SPIRE1: variants seen among roughly 807,000 people sequenced by gnomAD.
SPIRE1 encodes the protein spire type actin nucleation factor 1, also known as protein spire homolog 1.
A neutral mutation model predicts 94.1 loss-of-function variants in SPIRE1; 40 were observed. The observed-to-expected ratio is 0.43, with a 90% confidence interval of 0.33 to 0.55. The LOEUF is 0.55. SPIRE1 is among the 20% of genes least tolerant of loss of function. The pLI is 0.06. For missense variants in SPIRE1, 838 were observed against 975.2 expected, an observed-to-expected ratio of 0.86 and a Z score of 1.87; for synonymous variants, 376 against 371.7, an observed-to-expected ratio of 1.01 and a Z score of -0.13.
chr18:12,461,422 G>GTGTGTATGTATGTATATATACA (rs1555680886), intron 12 of SPIRE1, among the ~76,000 whole-genome samples: 1 of 127,704 alleles, frequency 7.8e-6, no homozygotes, highest in East Asian at 2.6e-4. Context: ...GTATGTGTGT[G>GTGTGTATGTATGTATATATACA]TGTGTGTATG....
At chr18:12,497,312 A>T (rs1051534129) in intron 6 of SPIRE1, among the ~76,000 whole-genome samples, 2 of 151,014 alleles carry the variant, frequency 1.3e-5, no homozygotes, top group African/African-American at 2.4e-5. Flanking sequence ...TTTTTTAGAA[A>T]TTTTTTTTTT....
chr18:12,534,445 G>C (rs2034780243), intron 4 of SPIRE1, among the ~76,000 whole-genome samples: 1 of 152,166 alleles, frequency 6.6e-6, no homozygotes, highest in South Asian at 2.1e-4. Flanking sequence ...AACTGGCAAA[G>C]CATTATTTTT....
At chr18:12,603,363 C>T (rs1225632050) in intron 2 of SPIRE1, among the ~76,000 whole-genome samples, 1 of 152,146 alleles carries the variant, frequency 6.6e-6, no homozygotes, top group African/African-American at 2.4e-5. Flanking sequence ...TCATCCCTAT[C>T]TCCTGGCATA....
intron 1 of SPIRE1, among the ~76,000 whole-genome samples, chr18:12,640,859 A>G (rs1018061382): frequency 2.6e-5 from 4 of 152,144 alleles, no homozygotes; most frequent in Admixed American, 2.6e-4. Flanking sequence ...TTCAGATTTG[A>G]CTTTAAGGAA....
intron 2 of SPIRE1, among the ~76,000 whole-genome samples, chr18:12,569,142 C>T (rs186421380): frequency 1.5e-3 from 235 of 152,190 alleles, no homozygotes; most frequent in Admixed American, 2.6e-3. Context: ...AGATCGAGAC[C>T]ATCCTGGCTA....
At chr18:12,491,321 GAC>G (rs2033225501) in intron 8 of SPIRE1, among the ~76,000 whole-genome samples, 1 of 150,016 alleles carries the variant, frequency 6.7e-6, no homozygotes, top group Non-Finnish European at 1.5e-5. Flanking sequence ...AACCACAAAA[GAC>G]AATGAATAGC....
At chr18:12,490,666 T>C (rs1160542588) in intron 8 of SPIRE1, among the ~76,000 whole-genome samples, 1 of 151,988 alleles carries the variant, frequency 6.6e-6, no homozygotes, top group East Asian at 1.9e-4. Flanking sequence ...TACACCACCG[T>C]AACAGAATAA....
At chr18:12,451,987 C>G (rs935258018) in intron 16 of SPIRE1, among the ~76,000 whole-genome samples, 1 of 152,094 alleles carries the variant, frequency 6.6e-6, no homozygotes, top group Non-Finnish European at 1.5e-5. Context: ...TTAAAGATGA[C>G]TCTTACAGGA....
intron 2 of SPIRE1, among the ~76,000 whole-genome samples, chr18:12,549,038 G>A (rs1206240581): frequency 3.3e-5 from 5 of 152,216 alleles, no homozygotes; most frequent in Admixed American, 2.0e-4. Context: ...CTGTTCAGGA[G>A]AAGGTACCAT....
intron 12 of SPIRE1, among the ~76,000 whole-genome samples, chr18:12,456,099 A>G (rs1042078310): frequency 6.6e-6 from 1 of 152,246 alleles, no homozygotes; most frequent in Non-Finnish European, 1.5e-5. Flanking sequence ...GAAGCTTATT[A>G]GTATAAGAGG....
chr18:12,617,960 T>A (rs955715520), intron 2 of SPIRE1, among the ~76,000 whole-genome samples: 2 of 152,198 alleles, frequency 1.3e-5, no homozygotes, highest in East Asian at 3.8e-4. Flanking sequence ...TAGCAAGTCC[T>A]CAACAAATGA....
At chr18:12,630,451 G>A (rs1214250073) in intron 2 of SPIRE1, among the ~76,000 whole-genome samples, 3 of 152,196 alleles carry the variant, frequency 2.0e-5, no homozygotes, top group Admixed American at 6.5e-5. Context: ...CTGAGGTTCC[G>A]AGTTCGAGAC....
intron 6 of SPIRE1, among the ~76,000 whole-genome samples, chr18:12,500,767 G>A (rs1256653432): frequency 5.3e-5 from 8 of 152,100 alleles, no homozygotes; most frequent in Admixed American, 5.2e-4. Context: ...TATCTGTATA[G>A]CCATAAGAAG....
intron 2 of SPIRE1, among the ~76,000 whole-genome samples, chr18:12,581,613 CGGCATTCTGGGAGGTCAA>C (rs2036258307): frequency 6.6e-6 from 1 of 152,148 alleles, no homozygotes; most frequent in African/African-American, 2.4e-5. Context: ...CCCGTAATCC[CGGCATTCTGGGAGGTCAA>C]GGCGGGCGGA....
At position 12,644,810 on chromosome 18, in the gene SPIRE1, T is replaced by C. The variant is rs1052281704; in HGVS notation, c.338-9714A>G. On this transcript the variant is annotated intron_variant, in intron 1 of 16. Coordinates refer to ENST00000409402, the MANE Select transcript of SPIRE1 (RefSeq NM_001128626.2). ...GAAGTATTCATCTTTTTACAAAGGA[T>C]AGCAATGGCTCAGTAAAAATGTATT... Among the ~76,000 whole-genome samples, 4 of 152,212 alleles carry C rather than the reference T, an allele frequency of 2.6e-5. No homozygotes were observed. The East Asian group carries it at 7.7e-4, about 29-fold the overall frequency.
rs76643472 is a variant in SPIRE1 at position 12,454,502 on chromosome 18, C to A, written c.1639-19G>T. On this transcript the variant is annotated intron_variant, in intron 12 of 16. Coordinates refer to ENST00000409402, the MANE Select transcript of SPIRE1 (RefSeq NM_001128626.2). ...ATTCCTCCTGAAATTCAAAATGTCA[C>A]GTGAATAAGAGATTCCTACCCCCTG... is the stretch of plus-strand genomic sequence containing the variant. 6.2e-7 allele frequency: 1 copy of A among 1,613,290 alleles called. No homozygotes were observed. The highest frequency in any genetic ancestry group is 1.1e-5 in the South Asian group (1 of 91,072).
At chr18:12,618,333 C>T (rs2037371032) in intron 2 of SPIRE1, among the ~76,000 whole-genome samples, 1 of 151,966 alleles carries the variant, frequency 6.6e-6, no homozygotes, top group African/African-American at 2.4e-5. Context: ...ATTTCCTGAC[C>T]TTGTTATCCG....
In SPIRE1 at chr18:12,539,122, C is replaced by T. The variant is rs561809448; in HGVS notation, c.604-3521G>A. On this transcript the variant is annotated intron_variant, in intron 3 of 16. Coordinates refer to ENST00000409402, the MANE Select transcript of SPIRE1 (RefSeq NM_001128626.2). ...AACAATATTCACCAAATGCCAACTA[C>T]GTACCAGGCACTGTGGCAGAAAGAA... is the stretch of plus-strand genomic sequence containing the variant. 1.7e-3 allele frequency among the ~76,000 whole-genome samples: 265 copies of T among 152,320 alleles called. 1 individual carries two copies. Among genetic ancestry groups the T allele is most frequent in the Non-Finnish European group, 3.3e-3 (223 of 68,020 alleles).
intron 2 of SPIRE1, among the ~76,000 whole-genome samples, chr18:12,614,176 G>A (rs1019900208): frequency 6.6e-6 from 1 of 151,850 alleles, no homozygotes; most frequent in Non-Finnish European, 1.5e-5. Context: ...CAGGAGGACT[G>A]CTTGAGCCCA....
Sources: allele counts gnomAD v4.1 joint callset (sites outside exome capture counted in the v4.1 genomes callset), GRCh38; gene constraint gnomAD v4.1.1; transcripts MANE v1.5; gene names NCBI Gene and HGNC (gene_info 2026-07-23, HGNC 2026-07-21).